Variants in PRPF19 observed in about 807,000 individuals in gnomAD.
PRPF19 encodes the protein pre-mRNA processing factor 19, also known as pre-mRNA-processing factor 19.
PRPF19 carries 2 observed loss-of-function variants against 64.2 expected under a neutral mutation model. That is an observed-to-expected ratio of 0.03 (90% CI 0.01 to 0.10). PRPF19 has a LOEUF of 0.10. Ranked by LOEUF, PRPF19 falls within the 10% of genes least tolerant of loss-of-function variation. The pLI, the probability that PRPF19 is intolerant of heterozygous loss-of-function variation, is 1.00. For missense variants in PRPF19, 314 were observed against 650.0 expected, an observed-to-expected ratio of 0.48 and a Z score of 5.62; for synonymous variants, 226 against 251.6, an observed-to-expected ratio of 0.90 and a Z score of 0.96.
chr11:60,892,513 G>C (rs1296898320), intron 15 of PRPF19, among the ~76,000 whole-genome samples: 1 of 152,174 alleles, frequency 6.6e-6, no homozygotes, highest in East Asian at 1.9e-4. Flanking sequence ...GCACTTATCA[G>C]GATGTGGCTC....
chr11:60,903,152 G>A (rs541019522), intron 3 of PRPF19, among the ~76,000 whole-genome samples: 4 of 152,124 alleles, frequency 2.6e-5, no homozygotes, highest in East Asian at 3.9e-4. Flanking sequence ...CTGTCATGCC[G>A]TCCCCTCTCT....
rs563116829 is a variant in PRPF19, at chr11:60,898,049, T to C, written c.1311+52A>G. ...GCAATTAGATTAATTCAATAAATAA[T>C]TGACAAACAAGGAGACACAATGGAA... is the stretch of plus-strand genomic sequence containing the variant. On this transcript the variant is annotated intron_variant, in intron 14 of 15. Coordinates refer to ENST00000227524, the MANE Select transcript of PRPF19 (RefSeq NM_014502.5). This position sits in a 1 kb window ranked among gnomAD's most constrained non-coding sequence, Gnocchi z 4.6. 2.2e-5 allele frequency: 35 copies of C among 1,607,478 alleles called. No individual in the cohort carries two copies. The highest frequency in any genetic ancestry group is 6.7e-5 in the East Asian group (3 of 44,768).
Position 60,899,299 on chromosome 11 carries a change from C to A in PRPF19, c.834G>T (p.Leu278=). 6.2e-7 allele frequency: 1 copy of A among 1,610,440 alleles called. No homozygotes were observed. The highest frequency in any genetic ancestry group is 1.1e-5 in the South Asian group (1 of 90,976). ...TGGCATCGGGGGAAGCAGAAAACAC[C>A]AGGTCCTACAAGGAAAACAAAGACA... ...TSVVFHPSQD[L]VFSASPDATI... Residue 278 remains leucine (L), a synonymous_variant, in exon 11 of 16, where the codon CTG becomes CTT. Coordinates refer to ENST00000227524, the MANE Select transcript of PRPF19 (RefSeq NM_014502.5).
At chr11:60,901,002 C>T in intron 8 of PRPF19, 73 bp from the exon 9 acceptor site, 1 of 1,506,912 alleles carries the variant, frequency 6.6e-7, no homozygotes, top group Non-Finnish European at 9.2e-7. Context: ...ACCTCCCCTA[C>T]TGCCATCTCC....
chr11:60,890,938 G>A lies in PRPF19; in HGVS notation c.*228C>T, dbSNP rs1330356782. The A allele has an allele frequency of 2.1e-5, 13 of 608,912 alleles. No homozygotes were observed. The highest frequency in any genetic ancestry group is 3.3e-5 in the Non-Finnish European group (11 of 332,368). 37.7% of individuals were successfully genotyped at this position (608,912 alleles called of 1,614,324 possible). On this transcript the variant is annotated 3_prime_UTR_variant, in exon 16 of 16. Coordinates refer to ENST00000227524, the MANE Select transcript of PRPF19 (RefSeq NM_014502.5). ...CTCCGACCCTGGGCCTTAAGAGGGT[G>A]ACAGTTCTTCCTTCCACATCCGTTC...
rs376584675 is a variant in PRPF19 at position 60,902,899 on chromosome 11, C to T, written c.247-18G>A. ...ACTGCATCCTGGGAGAAGCAAATAT[C>T]ATTGTAAGGTGAGGTGGGGGGTGCA... is the stretch of plus-strand genomic sequence containing the variant. On this transcript the variant is annotated intron_variant, in intron 3 of 15. Transcript: ENST00000227524. This position sits in a 1 kb window ranked among gnomAD's most constrained non-coding sequence, Gnocchi z 5.0. The T allele has an allele frequency of 5.6e-6, 9 of 1,611,430 alleles. No homozygotes were observed. The highest frequency in any genetic ancestry group is 6.8e-6 in the Non-Finnish European group (8 of 1,179,684).
chr11:60,903,522 G>T lies in PRPF19; in HGVS notation c.183C>A (p.Ile61=). 1 of 1,614,098 alleles carries T rather than the reference G, an allele frequency of 6.2e-7. No individual in the cohort carries two copies. The highest frequency in any genetic ancestry group is 8.5e-7 in the Non-Finnish European group (1 of 1,180,020). ...TGGTGGCTGAGGGAGGCTTGGGCCG[G>T]ATTGGGTGAGCAACTGCCGAAAGGG... ...QLIDIKVAHP[I]RPKPPSATSI... Residue 61 remains isoleucine (I), a synonymous_variant, in exon 3 of 16, where the codon ATC becomes ATA. Transcript: ENST00000227524.
chr11:60,900,793 C>CA, intron 9 of PRPF19, 61 bp downstream of exon 9: 1 of 1,601,642 alleles, frequency 6.2e-7, no homozygotes, highest in Non-Finnish European at 8.5e-7. Flanking sequence ...GGACAAGGAG[C>CA]ATGCGCCTTC....
Position 60,897,882 on chromosome 11 carries a change from T to C in PRPF19, c.1381A>G (p.Ile461Val). Residue 461 changes from isoleucine to valine, a missense_variant, in exon 15 of 16, where the codon ATC (isoleucine) becomes GTC (valine). Around this residue, in one of 7 missense-constraint regions of PRPF19, gnomAD observed 47 missense variants for 94.5 expected, o/e 0.50. Coordinates refer to ENST00000227524, the MANE Select transcript of PRPF19 (RefSeq NM_014502.5). The stretch of plus-strand genomic sequence containing the variant: ...AGAATCTCCGTCCATTGTTTGCAGA[T>C]GTAGATCTGGACATCCGTGCCCCCA... ...ALGGTDVQIY[I>V]CKQWTEILHF... 2 of 1,614,188 alleles carry C rather than the reference T, an allele frequency of 1.2e-6. No individual in the cohort carries two copies. Among genetic ancestry groups the C allele is most frequent in the South Asian group, 2.2e-5 (2 of 91,082 alleles).
At chr11:60,904,982 A>T (rs1305933383) in intron 1 of PRPF19, among the ~76,000 whole-genome samples, 2 of 152,238 alleles carry the variant, frequency 1.3e-5, no homozygotes, top group South Asian at 2.1e-4. Flanking sequence ...CAGTCAACTG[A>T]TTAGCGTACA....
chr11:60,904,648 CAAAGGATA>C (rs1312172824), intron 1 of PRPF19, among the ~76,000 whole-genome samples: 22 of 68,844 alleles, frequency 3.2e-4, no homozygotes, highest in Non-Finnish European at 7.9e-4. Context: ...AAGGATATTA[CAAAGGATA>C]CAGATGAAGA....
chr11:60,896,854 T>C (rs1191132910), intron 15 of PRPF19, among the ~76,000 whole-genome samples: 1 of 152,156 alleles, frequency 6.6e-6, no homozygotes, highest in African/African-American at 2.4e-5. Flanking sequence ...AGAAAAAAGC[T>C]TATAGAACAA....
chr11:60,903,612 T>C, intron 2 of PRPF19, 77 bp from the exon 3 acceptor site: 3 of 1,591,150 alleles, frequency 1.9e-6, no homozygotes, highest in Non-Finnish European at 2.6e-6. Flanking sequence ...CTTTTAGCCA[T>C]AAACAGCCCA....
chr11:60,897,747 G>C lies in PRPF19; in HGVS notation c.1417+99C>G. On this transcript the variant is annotated intron_variant, in intron 15 of 15. Coordinates refer to ENST00000227524, the MANE Select transcript of PRPF19 (RefSeq NM_014502.5). ...TCAGGTGGTAACAGAAAGCTGCTTA[G>C]GTAAATTCATGCAAGCCCTAGAAAT... is the stretch of plus-strand genomic sequence containing the variant. 1 of 1,008,436 alleles carries C rather than the reference G, an allele frequency of 9.9e-7. No homozygotes were observed. Among genetic ancestry groups the C allele is most frequent in the Non-Finnish European group, 1.5e-6 (1 of 663,894 alleles). 62.5% of individuals were successfully genotyped at this position (1,008,436 alleles called of 1,614,324 possible).
chr11:60,893,917 T>C (rs1165552335), intron 15 of PRPF19, among the ~76,000 whole-genome samples: 1 of 152,038 alleles, frequency 6.6e-6, no homozygotes, highest in Non-Finnish European at 1.5e-5. Flanking sequence ...AGACTCCATC[T>C]CAAAAAAAAA....
Position 60,898,358 on chromosome 11 carries a change from C to T in PRPF19, c.1141-87G>A, listed in dbSNP as rs927349449. The T allele has an allele frequency of 1.3e-6, 2 of 1,534,946 alleles. No homozygotes were observed. The highest frequency in any genetic ancestry group is 1.8e-6 in the Non-Finnish European group (2 of 1,134,848). On this transcript the variant is annotated intron_variant, in intron 13 of 15. Coordinates refer to ENST00000227524, the MANE Select transcript of PRPF19 (RefSeq NM_014502.5). This position sits in a 1 kb window ranked among gnomAD's most constrained non-coding sequence, Gnocchi z 4.6. ...CTCACCAAACTCCTACCTGAGATGT[C>T]CCTCACGTCCTTCCAGGAAGGACAG...
At chr11:60,893,434 G>A (rs1855885350) in intron 15 of PRPF19, among the ~76,000 whole-genome samples, 1 of 151,914 alleles carries the variant, frequency 6.6e-6, no homozygotes, top group Non-Finnish European at 1.5e-5. Flanking sequence ...AACCCAGGAG[G>A]CGGAGGTTGC....
chr11:60,891,178 G>A lies in PRPF19; in HGVS notation c.1503C>T (p.Phe501=). The A allele has an allele frequency of 6.3e-7, 1 of 1,591,338 alleles. No individual in the cohort carries two copies. The highest frequency in any genetic ancestry group is 8.6e-7 in the Non-Finnish European group (1 of 1,167,668). ...ASTGMDRSLK[F]YSL ...GAAGGGCCAGGGCCTACAGGCTGTA[G>A]AACTTGAGGCTTCTGTCCATGCCTG... The change falls in exon 16 of 16, where the codon TTC becomes TTT. Residue 501 remains phenylalanine, a synonymous_variant. Transcript: ENST00000227524.
chr11:60,897,864 C>T lies in PRPF19; in HGVS notation c.1399G>A (p.Glu467Lys), dbSNP rs770216029. The change falls in exon 15 of 16, where the codon GAG becomes AAG. Residue 467 changes from glutamate (E) to lysine (K), a missense_variant. Glu to Lys is a moderately conservative substitution (Grantham distance 56, BLOSUM62 1). Around this residue, in one of 7 missense-constraint regions of PRPF19, gnomAD observed 47 missense variants for 94.5 expected, o/e 0.50. Transcript: ENST00000227524. ...VQIYICKQWT[E>K]ILHFTEHSGL... ...CCTCTACCTGTAAAGTGAAGAATCT[C>T]CGTCCATTGTTTGCAGATGTAGATC... 1 of 1,614,192 alleles carries T rather than the reference C, an allele frequency of 6.2e-7. No homozygotes were observed. Among genetic ancestry groups the T allele is most frequent in the South Asian group, 1.1e-5 (1 of 91,080 alleles).
Sources: gnomAD v4.1 joint callset for allele counts (sites outside exome capture counted in the v4.1 genomes callset) on GRCh38, gnomAD v4.1.1 for gene constraint, gnomAD v4.1.1 regional missense constraint, Gnocchi (gnomAD v3.1) non-coding constraint, MANE v1.5 for transcripts, NCBI Gene and HGNC (gene_info 2026-07-23, HGNC 2026-07-21) for gene names.